Variants in PTPN22 observed in about 807,000 individuals in gnomAD.
PTPN22 encodes the protein tyrosine-protein phosphatase non-receptor type 22.
A neutral mutation model predicts 103.3 loss-of-function variants in PTPN22; 85 were observed. The observed-to-expected ratio is 0.82, with a 90% confidence interval of 0.69 to 0.99. The LOEUF is 0.99. PTPN22 is among the 50% of genes least tolerant of loss of function. The probability of loss-of-function intolerance (pLI) is 0.00; values close to 1 mark genes in which losing one functional copy is unlikely to be tolerated. For synonymous variants in PTPN22, 323 were observed against 310.2 expected, an observed-to-expected ratio of 1.04 and a Z score of -0.43; for missense variants, 865 against 936.9, an observed-to-expected ratio of 0.92 and a Z score of 1.00.
At chr1:113,831,825 T>C (rs916381787) in intron 16 of PTPN22, among the ~76,000 whole-genome samples, 6 of 152,354 alleles carry the variant, frequency 3.9e-5, no homozygotes, top group East Asian at 1.9e-4. Flanking sequence ...TGAGTATTAA[T>C]TTTATCTACT....
chr1:113,859,521 T>G, intron 1 of PTPN22, 61 bp from the exon 2 acceptor site: 1 of 1,344,650 alleles, frequency 7.4e-7, no homozygotes. Context: ...AAGCTATCTC[T>G]AAAGAGCTTT....
chr1:113,846,617 C>G (rs1238396159), intron 11 of PTPN22, among the ~76,000 whole-genome samples: 1 of 151,924 alleles, frequency 6.6e-6, no homozygotes, highest in Non-Finnish European at 1.5e-5. Flanking sequence ...AGAAAGTTTC[C>G]TTTGCCATTT....
chr1:113,829,771 T>C, intron 17 of PTPN22, 64 bp from the exon 18 acceptor site: 1 of 1,276,490 alleles, frequency 7.8e-7, no homozygotes, highest in Non-Finnish European at 1.1e-6. Flanking sequence ...TCATGTTACA[T>C]ATAATAAATT....
At chr1:113,845,699 G>A (rs1664001615) in intron 11 of PTPN22, among the ~76,000 whole-genome samples, 1 of 152,120 alleles carries the variant, frequency 6.6e-6, no homozygotes, top group Non-Finnish European at 1.5e-5. Context: ...TTTCTGTCTA[G>A]TTCTATCAAA....
intron 19 of PTPN22, among the ~76,000 whole-genome samples, chr1:113,822,972 G>A (rs1301562465): frequency 6.6e-6 from 1 of 151,970 alleles, no homozygotes; most frequent in African/African-American, 2.4e-5. Context: ...AAAAGCGGGG[G>A]CTTTCTTGGA....
At chr1:113,815,431 GA>G (rs1661070187) in intron 20 of PTPN22, 2 of 152,270 alleles carry the variant, frequency 1.3e-5, no homozygotes, top group African/African-American at 4.8e-5. Flanking sequence ...GATTATGTTT[GA>G]AAATCTTAGA....
intron 11 of PTPN22, 44 bp from the exon 12 acceptor site, chr1:113,838,664 G>A (rs781310812): frequency 2.5e-6 from 4 of 1,586,804 alleles, no homozygotes; most frequent in Non-Finnish European, 3.4e-6. Flanking sequence ...GTGAAGCAAT[G>A]TCAATAAGAT....
intron 9 of PTPN22, among the ~76,000 whole-genome samples, chr1:113,852,676 A>G (rs1664675320): frequency 6.6e-6 from 1 of 152,210 alleles, no homozygotes; most frequent in Non-Finnish European, 1.5e-5. Context: ...GGTGGGGCCC[A>G]GTAATTTGCC....
chr1:113,863,734 C>T (rs889453986), intron 1 of PTPN22, among the ~76,000 whole-genome samples: 1 of 151,826 alleles, frequency 6.6e-6, no homozygotes, highest in Non-Finnish European at 1.5e-5. Flanking sequence ...CTTTATAGAA[C>T]CAAGATGTAG....
At chr1:113,847,283 A>T (rs1571413214) in intron 11 of PTPN22, among the ~76,000 whole-genome samples, 4 of 99,828 alleles carry the variant, frequency 4.0e-5, no homozygotes, top group Non-Finnish European at 6.7e-5. Context: ...AATTTGATTT[A>T]AGCATGTTTT....
chr1:113,851,177 G>C (rs944754184), intron 10 of PTPN22, among the ~76,000 whole-genome samples: 1 of 148,500 alleles, frequency 6.7e-6, no homozygotes, highest in Non-Finnish European at 1.5e-5. Context: ...TTTTGAGACA[G>C]AGTCTCACTC....
intron 20 of PTPN22, among the ~76,000 whole-genome samples, chr1:113,815,681 T>C (rs891238247): frequency 3.9e-5 from 6 of 152,172 alleles, no homozygotes; most frequent in Non-Finnish European, 1.5e-5. Context: ...TCTTTTTGTT[T>C]GTTTGTTTTT....
chr1:113,838,457 C>T (rs368825252), intron 12 of PTPN22, 50 bp from the exon 13 acceptor site: 5 of 1,587,604 alleles, frequency 3.1e-6, no homozygotes, highest in South Asian at 2.3e-5. Flanking sequence ...AAACAGGCCG[C>T]TTCCTAGCAT....
chr1:113,834,186 T>A (rs561276645), intron 15 of PTPN22, 123 bp downstream of exon 15: 1 of 1,059,592 alleles, frequency 9.4e-7, no homozygotes, highest in Non-Finnish European at 1.4e-6. Context: ...CAACATCCTC[T>A]AGCACATTGT....
exon 21 of PTPN22, chr1:113,814,153 A>G (rs1346348352): frequency 2.0e-5 from 3 of 152,294 alleles, no homozygotes; most frequent in Non-Finnish European, 4.4e-5. Flanking sequence ...GATTGGTTAG[A>G]TAAAAATTGC....
At chr1:113,833,133 T>C (rs746037228) in exon 16 of PTPN22, 1 of 1,564,704 alleles carries the variant, frequency 6.4e-7, no homozygotes, top group Non-Finnish European at 8.8e-7. Context: ...TTCGGAGTTT[T>C]ACACTCTAAA....
At chr1:113,851,191 T>C (rs1360469874) in intron 10 of PTPN22, among the ~76,000 whole-genome samples, 5 of 151,836 alleles carry the variant, frequency 3.3e-5, no homozygotes, top group African/African-American at 1.2e-4. Context: ...CTCACTCTGT[T>C]ACCCAGGCTG....
chr1:113,871,486 C>T lies in PTPN22; in HGVS notation c.87+51G>A, dbSNP rs3789612. Reference sequence around the variant, plus strand: ...TCTCGGAAAATTGGACCCCCATAGTCAGTTAAATAGTGTATGTAACTACCC... The same window carrying T: ...TCTCGGAAAATTGGACCCCCATAGTTAGTTAAATAGTGTATGTAACTACCC... On this transcript the variant is annotated intron_variant, in intron 1 of 20. Transcript: ENST00000359785. 5.6e-3 allele frequency: 8,254 copies of T among 1,482,236 alleles called. 246 individuals carry two copies. In the East Asian group the frequency reaches 0.091, roughly 16 times the overall value. 91.8% of individuals were successfully genotyped at this position (1,482,236 alleles called of 1,614,324 possible).
chr1:113,847,397 T>C (rs181558740), intron 11 of PTPN22, among the ~76,000 whole-genome samples: 30 of 152,080 alleles, frequency 2.0e-4, no homozygotes, highest in African/African-American at 5.8e-4. Context: ...CTTGGCTGCT[T>C]TAAAATCCTT....
Sources: allele counts gnomAD v4.1 joint callset (sites outside exome capture counted in the v4.1 genomes callset), GRCh38; gene constraint gnomAD v4.1.1; transcripts MANE v1.5; gene names NCBI Gene and HGNC (gene_info 2026-07-23, HGNC 2026-07-21).